TPST1: variants seen among roughly 807,000 people sequenced by gnomAD.
The protein encoded by TPST1 is tyrosylprotein sulfotransferase 1.
In TPST1, 20 loss-of-function variants were observed where a neutral mutation model predicts 34.8. The observed-to-expected ratio is 0.57, with a 90% CI of 0.40 to 0.84. The LOEUF is 0.84. Ranked by LOEUF, TPST1 falls within the 40% of genes least tolerant of loss-of-function variation. TPST1 has a pLI of 0.00. For synonymous variants in TPST1, 152 were observed against 159.4 expected (o/e 0.95, Z 0.35); for missense variants, 353 against 455.5 (o/e 0.78, Z 2.05).
rs544655430 is a variant in TPST1, at chr7:66,249,491, A to G, written c.845+8221A>G. Among the ~76,000 whole-genome samples, 30 of 152,314 alleles carry G rather than the reference A, an allele frequency of 2.0e-4. 1 individual carries two copies. In the South Asian group the frequency reaches 5.6e-3, roughly 28 times the overall value. On this transcript the variant is annotated intron_variant, in intron 2 of 5. Coordinates refer to ENST00000304842, the MANE Select transcript of TPST1 (RefSeq NM_003596.4). The stretch of plus-strand genomic sequence containing the variant: ...TTACATTTCCTCATTGCTGAAAATC[A>G]TGTTTTCAAACATCAACCATTCATC...
chr7:66,239,247 CTG>C (rs1789976380), intron 1 of TPST1, among the ~76,000 whole-genome samples: 1 of 152,206 alleles, frequency 6.6e-6, no homozygotes, highest in Non-Finnish European at 1.5e-5. Context: ...TCCCAAAGAG[CTG>C]TGATTACAGG....
intron 1 of TPST1, among the ~76,000 whole-genome samples, chr7:66,208,709 T>C (rs1406369133): frequency 6.6e-6 from 1 of 152,100 alleles, no homozygotes; most frequent in Non-Finnish European, 1.5e-5. Context: ...CCTCAAGCAG[T>C]CTGCCTGCCT....
At chr7:66,210,167 G>T (rs1211759173) in intron 1 of TPST1, among the ~76,000 whole-genome samples, 1 of 152,172 alleles carries the variant, frequency 6.6e-6, no homozygotes, top group East Asian at 1.9e-4. Flanking sequence ...AGGTGTATAG[G>T]TGAGAGAGAG....
At chr7:66,269,716 T>A (rs1411268739) in intron 2 of TPST1, among the ~76,000 whole-genome samples, 1 of 151,974 alleles carries the variant, frequency 6.6e-6, no homozygotes, top group African/African-American at 2.4e-5. Context: ...AAAGAAGGAG[T>A]TGAATGTTTA....
chr7:66,225,126 A>G (rs949839590), intron 1 of TPST1, among the ~76,000 whole-genome samples: 1 of 150,778 alleles, frequency 6.6e-6, no homozygotes, highest in Admixed American at 6.6e-5. Flanking sequence ...CATGTTGGCC[A>G]GGCTGGTCTT....
chr7:66,201,374 T>C (rs1472030886), upstream of TPST1, among the ~76,000 whole-genome samples: 6 of 125,226 alleles, frequency 4.8e-5, no homozygotes, highest in Admixed American at 8.9e-5. Context: ...CAAGATCCCA[T>C]CTCTACCAAA....
chr7:66,279,866 A>G (rs1790897918), intron 2 of TPST1, among the ~76,000 whole-genome samples: 1 of 152,232 alleles, frequency 6.6e-6, no homozygotes. Flanking sequence ...AGTAAGAGCA[A>G]TTTCAGCATC....
At chr7:66,274,291 G>T (rs1341354389) in intron 2 of TPST1, among the ~76,000 whole-genome samples, 1 of 151,788 alleles carries the variant, frequency 6.6e-6, no homozygotes, top group African/African-American at 2.4e-5. Flanking sequence ...CGTGAACCCG[G>T]GAGGTGGAGC....
chr7:66,264,787 C>G (rs1584190067), intron 2 of TPST1, among the ~76,000 whole-genome samples: 1 of 152,158 alleles, frequency 6.6e-6, no homozygotes, highest in South Asian at 2.1e-4. Flanking sequence ...GAAAAAAAGC[C>G]ATGAATAGAA....
In TPST1 at chr7:66,238,685, G is replaced by T. The variant is rs974568428; in HGVS notation, c.-101-1640G>T. Among the ~76,000 whole-genome samples, 3 of 152,160 alleles carry T rather than the reference G, an allele frequency of 2.0e-5. No homozygotes were observed. The East Asian group carries it at 5.8e-4, about 29-fold the overall frequency. On this transcript the variant is annotated intron_variant, in intron 1 of 5. Transcript: ENST00000304842. ...TTACTAGAAATCTGTTGATTTAAGTGTTAATCACATCTAAAATATACCTTC... is the reference window on the plus strand; with the variant it reads ...TTACTAGAAATCTGTTGATTTAAGTTTTAATCACATCTAAAATATACCTTC...
chr7:66,208,525 G>A (rs1789178781), intron 1 of TPST1, among the ~76,000 whole-genome samples: 1 of 152,036 alleles, frequency 6.6e-6, no homozygotes, highest in Non-Finnish European at 1.5e-5. Flanking sequence ...CTGGAGTGCA[G>A]TGGTAACATC....
intron 3 of TPST1, among the ~76,000 whole-genome samples, chr7:66,296,676 G>GTTGT (rs373644716): frequency 1.1e-5 from 1 of 92,142 alleles, no homozygotes; most frequent in Non-Finnish European, 2.0e-5. Flanking sequence ...TACTGGGTTG[G>GTTGT]TTTTTTTTTT....
chr7:66,301,001 A>T (rs13242072), intron 3 of TPST1, among the ~76,000 whole-genome samples: 3 of 151,894 alleles, frequency 2.0e-5, no homozygotes, highest in Non-Finnish European at 1.5e-5. Context: ...TCCTTGATCC[A>T]TGGACTACAG....
chr7:66,218,572 G>A (rs369279750), intron 1 of TPST1, among the ~76,000 whole-genome samples: 2 of 152,190 alleles, frequency 1.3e-5, no homozygotes, highest in South Asian at 2.1e-4. Flanking sequence ...AGGGCTGGGC[G>A]CGGTGGCTCA....
chr7:66,224,901 C>CTTTTCTTTT (rs1789616977), intron 1 of TPST1, among the ~76,000 whole-genome samples: 2 of 42,410 alleles, frequency 4.7e-5, no homozygotes, highest in Non-Finnish European at 7.8e-5. Context: ...TTCTGGTATT[C>CTTTTCTTTT]TTTTTTTTTT....
At chr7:66,294,574 A>G (rs964179889) in intron 3 of TPST1, among the ~76,000 whole-genome samples, 1 of 151,998 alleles carries the variant, frequency 6.6e-6, no homozygotes, top group Admixed American at 6.6e-5. Context: ...AAAAAAAACA[A>G]TAATCGCTAT....
intron 2 of TPST1, among the ~76,000 whole-genome samples, chr7:66,261,241 T>TTC (rs2115715289): frequency 6.6e-6 from 1 of 151,734 alleles, no homozygotes; most frequent in Non-Finnish European, 1.5e-5. Flanking sequence ...TCTTTTTTTT[T>TTC]TTTTTTTTGG....
chr7:66,275,575 C>T (rs901377119), intron 2 of TPST1, among the ~76,000 whole-genome samples: 2 of 152,090 alleles, frequency 1.3e-5, no homozygotes, highest in Non-Finnish European at 2.9e-5. Context: ...TTTGCAACAT[C>T]GTTAATAAAC....
chr7:66,346,258 T>C (rs954957186), intron 3 of TPST1, among the ~76,000 whole-genome samples: 6 of 152,104 alleles, frequency 3.9e-5, no homozygotes, highest in African/African-American at 1.2e-4. Flanking sequence ...TCCCAAATCT[T>C]GGCTATTGTG....
Sources: gnomAD v4.1 joint callset for allele counts (sites outside exome capture counted in the v4.1 genomes callset) on GRCh38, gnomAD v4.1.1 for gene constraint, MANE v1.5 for transcripts, NCBI Gene and HGNC (gene_info 2026-07-23, HGNC 2026-07-21) for gene names.